SCUBE1: variants seen among roughly 807,000 people sequenced by gnomAD.
The protein encoded by SCUBE1 is signal peptide, CUB domain and EGF like domain containing 1.
In SCUBE1, 59 loss-of-function variants were observed where a neutral mutation model predicts 124.4. The observed-to-expected ratio is 0.47, with a 90% confidence interval of 0.38 to 0.59. SCUBE1 has a LOEUF of 0.59. SCUBE1 is among the 20% of genes least tolerant of loss of function. The pLI is 0.00. For missense variants in SCUBE1, 1,150 were observed against 1,371.2 expected, an observed-to-expected ratio of 0.84 and a Z score of 2.55; for synonymous variants, 545 against 550.9, an observed-to-expected ratio of 0.99 and a Z score of 0.15.
chr22:43,240,547 T>C (rs1273450294), intron 6 of SCUBE1, among the ~76,000 whole-genome samples: 1 of 152,064 alleles, frequency 6.6e-6, no homozygotes, highest in African/African-American at 2.4e-5. Flanking sequence ...ACAGTGGAGG[T>C]GGGCAGGCCA....
rs200592539 is a variant in SCUBE1, at chr22:43,238,891, C to T, written c.791G>A (p.Arg264Gln). ...TGTGAATCCAACGGGGCAGCTGCAT[C>T]GCACGCCAGTGGCTGTGTCCTTGCA... ...RTCKDTATGV[R>Q]CSCPVGFTLQ... The change falls in exon 7 of 22, where the codon CGA becomes CAA. Residue 264 changes from arginine to glutamine, a missense_variant. Arg to Gln is a conservative substitution (Grantham distance 43, BLOSUM62 1). This residue lies in a region of SCUBE1 where 337 missense variants were observed against 482.1 expected (regional missense o/e 0.70). Transcript: ENST00000360835. The T allele has an allele frequency of 4.3e-5, 70 of 1,613,220 alleles. No individual in the cohort carries two copies. The East Asian group carries it at 1.0e-3, about 23-fold the overall frequency.
intron 3 of SCUBE1, 139 bp from the exon 4 acceptor site, chr22:43,291,319 G>C: frequency 2.2e-6 from 2 of 894,578 alleles, no homozygotes; most frequent in Non-Finnish European, 3.4e-6. Flanking sequence ...CCTCCCTGGT[G>C]CTGTGTGATG....
intron 15 of SCUBE1, among the ~76,000 whole-genome samples, chr22:43,215,442 G>T (rs559792376): frequency 6.6e-6 from 1 of 152,244 alleles, no homozygotes; most frequent in Non-Finnish European, 1.5e-5. Context: ...TGGTAGAGGT[G>T]GCTGACATGG....
At chr22:43,222,084 TAAAG>T (rs541542291) in intron 12 of SCUBE1, among the ~76,000 whole-genome samples, 83 of 152,094 alleles carry the variant, frequency 5.5e-4, no homozygotes, top group South Asian at 1.0e-3. Flanking sequence ...ATAATAATAA[TAAAG>T]AAACATACAG....
At chr22:43,245,386 G>T (rs1170687655) in intron 6 of SCUBE1, among the ~76,000 whole-genome samples, 2 of 152,220 alleles carry the variant, frequency 1.3e-5, no homozygotes, top group African/African-American at 4.8e-5. Flanking sequence ...CTGGGGGGGT[G>T]CCGGCTGGGT....
At chr22:43,300,296 CTT>C (rs58777690) in intron 3 of SCUBE1, among the ~76,000 whole-genome samples, 21 of 147,740 alleles carry the variant, frequency 1.4e-4, no homozygotes, top group East Asian at 5.9e-4. Context: ...CCTTTCTGGG[CTT>C]TTTTTTTTTT....
chr22:43,319,938 C>T lies in SCUBE1; in HGVS notation c.348G>A (p.Leu116=), dbSNP rs1926486181. 3 of 1,614,050 alleles carry T rather than the reference C, an allele frequency of 1.9e-6. No homozygotes were observed. Among genetic ancestry groups the T allele is most frequent in the Non-Finnish European group, 2.5e-6 (3 of 1,179,940 alleles). Residue 116 remains leucine (L), a splice_region_variant and synonymous_variant, in exon 3 of 22, where the codon CTG becomes CTA. Transcript: ENST00000360835. ...FMLAHDGHNC[L]DVDECQDNNG... ...GTAGGCTACAGCTGTATCACTCACCCAGGCAGTTGTGTCCATCGTGTGCCA... is the reference window on the plus strand; with the variant it reads ...GTAGGCTACAGCTGTATCACTCACCTAGGCAGTTGTGTCCATCGTGTGCCA...
chr22:43,204,511 T>G (rs1296456389), intron 21 of SCUBE1, among the ~76,000 whole-genome samples: 1 of 151,906 alleles, frequency 6.6e-6, no homozygotes, highest in Admixed American at 6.6e-5. Context: ...GTTGGCCAGC[T>G]TGGTCTCAGG....
intron 2 of SCUBE1, among the ~76,000 whole-genome samples, chr22:43,327,012 G>A (rs1035890454): frequency 2.6e-5 from 4 of 152,144 alleles, no homozygotes; most frequent in African/African-American, 9.7e-5. Flanking sequence ...CCATGAGAAC[G>A]AGAACTGTGT....
intron 10 of SCUBE1, among the ~76,000 whole-genome samples, chr22:43,224,258 C>T (rs1922218482): frequency 6.6e-6 from 1 of 152,208 alleles, no homozygotes. Context: ...GCGAGGGCAC[C>T]GTGTGACAAC....
At chr22:43,268,934 C>T (rs866700744) in intron 4 of SCUBE1, among the ~76,000 whole-genome samples, 1 of 152,134 alleles carries the variant, frequency 6.6e-6, no homozygotes, top group African/African-American at 2.4e-5. Context: ...AGGGACAAAG[C>T]CTGGTAGAAC....
intron 9 of SCUBE1, 139 bp from the exon 10 acceptor site, chr22:43,227,635 T>C (rs1456821741): frequency 2.8e-6 from 3 of 1,062,188 alleles, no homozygotes; most frequent in Non-Finnish European, 4.1e-6. Context: ...AGATGAGCAG[T>C]GCACACGCCA....
At chr22:43,249,266 G>A (rs1014990688) in intron 6 of SCUBE1, among the ~76,000 whole-genome samples, 5 of 149,266 alleles carry the variant, frequency 3.3e-5, no homozygotes, top group Non-Finnish European at 7.4e-5. Flanking sequence ...GGACACCCGG[G>A]ACCCTGGAGA....
intron 7 of SCUBE1, among the ~76,000 whole-genome samples, chr22:43,233,995 C>G (rs985513126): frequency 3.9e-5 from 6 of 152,028 alleles, no homozygotes; most frequent in African/African-American, 1.4e-4. Context: ...GGTCACAGCA[C>G]CACACGCAGG....
chr22:43,293,520 G>A (rs1419816818), intron 3 of SCUBE1, among the ~76,000 whole-genome samples: 1 of 152,284 alleles, frequency 6.6e-6, no homozygotes, highest in Non-Finnish European at 1.5e-5. Context: ...CTGGAGTCCA[G>A]TGTCAACTTG....
chr22:43,256,700 G>A (rs898443024), intron 6 of SCUBE1, among the ~76,000 whole-genome samples: 9 of 152,252 alleles, frequency 5.9e-5, no homozygotes, highest in East Asian at 1.9e-4. Flanking sequence ...CCTGGCAGCC[G>A]TTTGCACTGC....
At chr22:43,261,862 G>A (rs1923883964) in intron 5 of SCUBE1, among the ~76,000 whole-genome samples, 1 of 152,146 alleles carries the variant, frequency 6.6e-6, no homozygotes, top group Non-Finnish European at 1.5e-5. Context: ...GGTATCCCTG[G>A]TGCCCTCATC....
Position 43,211,270 on chromosome 22 carries a change from G to T in SCUBE1, c.2222-187C>A, listed in dbSNP as rs752052405. On this transcript the variant is annotated intron_variant, in intron 17 of 21. Coordinates refer to ENST00000360835, the MANE Select transcript of SCUBE1 (RefSeq NM_173050.5). This position sits in a 1 kb window ranked among gnomAD's most constrained non-coding sequence, Gnocchi z 4.5. The stretch of plus-strand genomic sequence containing the variant: ...GCCATGGCCAGGAAGAGCCCTTGGC[G>T]TGGGGGTCACATGGCAGATTGATGT... Among the ~76,000 whole-genome samples the T allele has an allele frequency of 6.6e-6, 1 of 152,200 alleles. No individual in the cohort carries two copies. The highest frequency in any genetic ancestry group is 1.9e-4 in the East Asian group (1 of 5,194).
Position 43,220,549 on chromosome 22 carries a change from AGTCACACTTGAGG to A in SCUBE1, c.1575_1587del (p.Leu526ProfsTer76). The A allele has an allele frequency of 6.2e-7, 1 of 1,614,022 alleles. No individual in the cohort carries two copies. Among genetic ancestry groups the A allele is most frequent in the Non-Finnish European group, 8.5e-7 (1 of 1,180,000 alleles). ...CGGCCACGGCGCCTCTTCTTGGAGG[AGTCACACTTGAGG>A]GTCACGAAAGTCACATGGCAGTGGT... On this transcript the variant is annotated frameshift_variant, in exon 14 of 22. Transcript: ENST00000360835. LOFTEE classifies it high-confidence loss of function.
Sources: gnomAD v4.1 joint callset for allele counts (sites outside exome capture counted in the v4.1 genomes callset) on GRCh38, gnomAD v4.1.1 for gene constraint, gnomAD v4.1.1 regional missense constraint, Gnocchi (gnomAD v3.1) non-coding constraint, MANE v1.5 for transcripts, NCBI Gene and HGNC (gene_info 2026-07-23, HGNC 2026-07-21) for gene names.